RBFOX3: variants seen among roughly 807,000 people sequenced by gnomAD.
RBFOX3 encodes RNA binding fox-1 homolog 3.
Under a neutral mutation model 48.7 loss-of-function variants are expected in RBFOX3, and 17 were observed. The observed-to-expected ratio is 0.35, with a 90% CI of 0.24 to 0.52. RBFOX3 has a LOEUF of 0.52. Among genes scored for constraint, RBFOX3 ranks in the 20% least tolerant of loss-of-function variants. RBFOX3 has a pLI of 0.94. For missense variants in RBFOX3, 382 were observed against 497.5 expected (o/e 0.77, Z 2.21); for synonymous variants, 212 against 209.5 (o/e 1.01, Z -0.10).
chr17:79,637,784 AGGGGAAGAGAAGG>A, the RBFOX3 span, among the ~76,000 whole-genome samples: 1 of 48,242 alleles, frequency 2.1e-5, no homozygotes, highest in African/African-American at 6.3e-5. Flanking sequence ...AGGGGAAGGG[AGGGGAAGAGAAGG>A]GAAGGGAAGG....
At chr17:79,109,365 G>C (rs776405643) in intron 5 of RBFOX3, among the ~76,000 whole-genome samples, 8 of 152,180 alleles carry the variant, frequency 5.3e-5, no homozygotes, top group African/African-American at 1.9e-4. Context: ...CTGGCATCAC[G>C]TCCCCAGTGA....
the RBFOX3 span, among the ~76,000 whole-genome samples, chr17:79,660,097 G>A: frequency 5.4e-3 from 818 of 152,254 alleles, 10 homozygotes; most frequent in African/African-American, 0.019. Flanking sequence ...TGAGGCTGGA[G>A]AATCACTTGA....
rs374187157 is a variant in RBFOX3 at position 79,183,462 on chromosome 17, TCTC to T, written c.-34+52301_-34+52303del. ...GCCTCCCGGGCGCCCTCCCGGTCTC[TCTC>T]CTCCTCCTCCTCTGGGCCTCCCCTC... On this transcript the variant is annotated intron_variant, in intron 4 of 14. Transcript: ENST00000693108. 1,401 of 151,224 alleles carry T rather than the reference TCTC, an allele frequency of 9.3e-3. 31 individuals are homozygous for T. The highest frequency in any genetic ancestry group is 0.032 in the African/African-American group (1,313 of 41,198). 9.4% of individuals were successfully genotyped at this position (151,224 alleles called of 1,614,324 possible). A position where few individuals can be genotyped will look rare whatever the true frequency, so the allele number is the denominator to read the frequency against.
chr17:79,239,116 A>G (rs1168467668), intron 3 of RBFOX3, among the ~76,000 whole-genome samples: 2 of 152,164 alleles, frequency 1.3e-5, no homozygotes, highest in East Asian at 1.9e-4. Context: ...CTGGTTGCCC[A>G]TCCCTGGGAT....
At chr17:79,352,452 T>G (rs1417692393) in intron 2 of RBFOX3, among the ~76,000 whole-genome samples, 2 of 152,194 alleles carry the variant, frequency 1.3e-5, no homozygotes, top group Non-Finnish European at 2.9e-5. Context: ...TAAATCTCTT[T>G]TCTTTATAAA....
At position 79,190,118 on chromosome 17, in the gene RBFOX3, T is replaced by A. The variant is rs561465832; in HGVS notation, c.-34+45648A>T. ...AGGTCACCTCTTTCCCCCAATCAAA[T>A]AACAGAGTGAAGGCCGGGTGCAGTG... On this transcript the variant is annotated intron_variant, in intron 4 of 14. Coordinates refer to ENST00000693108, the MANE Select transcript of RBFOX3 (RefSeq NM_001350451.2). Among the ~76,000 whole-genome samples the A allele has an allele frequency of 1.1e-3, 170 of 152,244 alleles. 2 individuals carry two copies. The highest frequency in any genetic ancestry group is 6.8e-3 in the Middle Eastern group (2 of 294).
rs907244903 is a variant in RBFOX3, at chr17:79,589,285, G to T, written c.-320+21541C>A. Among the ~76,000 whole-genome samples the T allele has an allele frequency of 1.7e-3, 177 of 105,136 alleles. 3 individuals carry two copies. In the South Asian group the frequency reaches 0.035, roughly 21 times the overall value. The allele number at this position is 105,136 out of a possible 152,430, so 69.0% of individuals were successfully genotyped here. A position where few individuals can be genotyped will look rare whatever the true frequency, so the allele number is the denominator to read the frequency against. ...GCTTCTTCTGGGGGCTCTGAGCGAG[G>T]ATCCGCCCCAGGGCTCTCCTTGGCT... On this transcript the variant is annotated intron_variant, in intron 1 of 14. Transcript: ENST00000693108.
At chr17:79,128,463 G>A (rs1432011024) in intron 4 of RBFOX3, among the ~76,000 whole-genome samples, 1 of 152,172 alleles carries the variant, frequency 6.6e-6, no homozygotes, top group Non-Finnish European at 1.5e-5. Flanking sequence ...GGGACAGGAG[G>A]GCCCGTGCAG....
chr17:79,438,124 G>A (rs1410232813), intron 2 of RBFOX3, among the ~76,000 whole-genome samples: 6 of 120,408 alleles, frequency 5.0e-5, no homozygotes, highest in South Asian at 2.8e-4. Context: ...ACACACACAC[G>A]TCACCACCAG....
intron 4 of RBFOX3, among the ~76,000 whole-genome samples, chr17:79,190,812 C>G (rs1046178493): frequency 2.0e-5 from 3 of 152,200 alleles, no homozygotes; most frequent in Admixed American, 6.5e-5. Context: ...CTGACCAAAA[C>G]TTGTAGAGCA....
intron 4 of RBFOX3, among the ~76,000 whole-genome samples, chr17:79,145,799 G>A (rs141296955): frequency 2.0e-4 from 31 of 152,344 alleles, no homozygotes; most frequent in Admixed American, 1.6e-3. Context: ...TCAGCCGGGC[G>A]ACGGTGCCCT....
rs370111938 is a variant in RBFOX3, at chr17:79,477,352, C to G, written c.-175+5102G>C. 4.1e-4 allele frequency among the ~76,000 whole-genome samples: 61 copies of G among 150,542 alleles called. No individual in the cohort carries two copies. The East Asian group carries it at 8.0e-3, about 20-fold the overall frequency. On this transcript the variant is annotated intron_variant, in intron 2 of 14. Coordinates refer to ENST00000693108, the MANE Select transcript of RBFOX3 (RefSeq NM_001350451.2). This position sits in a 1 kb window ranked among gnomAD's most constrained non-coding sequence, Gnocchi z 4.8. ...CAGGTGGATCACGAGGTCAGGAGATCGAGATCATCCTGGCTAACACGGTGA... is the reference window on the plus strand; with the variant it reads ...CAGGTGGATCACGAGGTCAGGAGATGGAGATCATCCTGGCTAACACGGTGA...
chr17:79,100,098 A>G (rs531046642), intron 9 of RBFOX3: 14 of 152,374 alleles, frequency 9.2e-5, no homozygotes, highest in African/African-American at 3.4e-4. Flanking sequence ...TCACTGGTGT[A>G]GGTTCCGTGC....
Position 79,356,361 on chromosome 17 carries a change from T to TTTTTTTTTTTTTTTTTG in RBFOX3, c.-174-48538_-174-48537insCAAAAAAAAAAAAAAAA, listed in dbSNP as rs2085042683. Among the ~76,000 whole-genome samples, 10 of 56,230 alleles carry TTTTTTTTTTTTTTTTTG rather than the reference T, an allele frequency of 1.8e-4. 2 individuals carry two copies. The highest frequency in any genetic ancestry group is 4.9e-4 in the African/African-American group (7 of 14,290). The allele number at this position is 56,230 out of a possible 152,430, so 36.9% of individuals were successfully genotyped here. On this transcript the variant is annotated intron_variant, in intron 2 of 14. Coordinates refer to ENST00000693108, the MANE Select transcript of RBFOX3 (RefSeq NM_001350451.2). ...TAAAACAGGGAAGTTTTTTTTTTTTTTTTTTTTTTTTTTTTTTTTTTTTTT... is the reference window on the plus strand; with the variant it reads ...TAAAACAGGGAAGTTTTTTTTTTTTTTTTTTTTTTTTTTTTTGTTTTTTTTTTTTTTTTTTTTTTTTT...
chr17:79,406,144 G>A (rs1282115875), intron 2 of RBFOX3, among the ~76,000 whole-genome samples: 1 of 152,198 alleles, frequency 6.6e-6, no homozygotes, highest in Non-Finnish European at 1.5e-5. Flanking sequence ...GAGCTGTTGG[G>A]AACATGCCTG....
chr17:79,092,246 C>T, intron 14 of RBFOX3: 4 of 985,550 alleles, frequency 4.1e-6, no homozygotes, highest in Non-Finnish European at 4.8e-6. Context: ...CCGCTACTCC[C>T]AGGTTGGGGG....
At chr17:79,420,647 G>A (rs544378909) in intron 2 of RBFOX3, among the ~76,000 whole-genome samples, 4 of 152,330 alleles carry the variant, frequency 2.6e-5, no homozygotes, top group East Asian at 1.9e-4. Flanking sequence ...CACGGGAACC[G>A]CTTGCCTCCC....
At chr17:79,458,780 G>A (rs997544773) in intron 2 of RBFOX3, among the ~76,000 whole-genome samples, 7 of 152,172 alleles carry the variant, frequency 4.6e-5, no homozygotes, top group East Asian at 3.9e-4. Flanking sequence ...AATAAGGAGC[G>A]AGATGTTGAA....
At chr17:79,316,585 C>T (rs955720329) in intron 2 of RBFOX3, among the ~76,000 whole-genome samples, 1 of 152,256 alleles carries the variant, frequency 6.6e-6, no homozygotes, top group East Asian at 1.9e-4. Flanking sequence ...CTGGGCCACA[C>T]AGCCTGTGTC....
Sources: allele counts gnomAD v4.1 joint callset (sites outside exome capture counted in the v4.1 genomes callset), GRCh38; gene constraint gnomAD v4.1.1; non-coding constraint Gnocchi (gnomAD v3.1); transcripts MANE v1.5; gene names NCBI Gene and HGNC (gene_info 2026-07-23, HGNC 2026-07-21).